MTMR8: variants seen among roughly 807,000 people sequenced by gnomAD.
MTMR8 encodes the protein phosphatidylinositol-3,5-bisphosphate 3-phosphatase MTMR8.
MTMR8 carries 65 observed loss-of-function variants against 39.3 expected under a neutral mutation model. The ratio of observed to expected loss-of-function variants is 1.65; its 90% CI spans 1.35 to 2.03. The LOEUF (loss-of-function observed/expected upper bound fraction) is 2.03, where lower values mean the gene tolerates loss of function less well. MTMR8 is among the 30% of genes most tolerant of loss of function. The probability of loss-of-function intolerance (pLI) is 0.00; values close to 1 mark genes in which losing one functional copy is unlikely to be tolerated. For synonymous variants in MTMR8, 245 were observed against 185.2 expected, an observed-to-expected ratio of 1.32 and a Z score of -2.62; for missense variants, 777 against 538.9, an observed-to-expected ratio of 1.44 and a Z score of -4.37.
At chrX:64,382,120 GT>G (rs1315283872) in intron 1 of MTMR8, among the ~76,000 whole-genome samples, 2 of 111,298 alleles carry the variant, frequency 1.8e-5, no homozygotes, top group Non-Finnish European at 3.8e-5. Context: ...CTTTACAGTA[GT>G]TTTTCCAATT....
At chrX:64,393,931 G>A (rs377420038) in intron 1 of MTMR8, among the ~76,000 whole-genome samples, 6 of 112,229 alleles carry the variant, frequency 5.3e-5, no homozygotes, top group African/African-American at 1.3e-4. Context: ...GAAGTGAGCC[G>A]GGCAAATTTC....
At chrX:64,302,762 C>G (rs892846681) in intron 12 of MTMR8, among the ~76,000 whole-genome samples, 3 of 112,358 alleles carry the variant, frequency 2.7e-5, no homozygotes, top group Non-Finnish European at 3.8e-5. Flanking sequence ...CAAAACTTCA[C>G]AAAATATCTA....
At chrX:64,276,084 T>C in intron 12 of MTMR8, among the ~76,000 whole-genome samples, 1 of 112,196 alleles carries the variant, frequency 8.9e-6, no homozygotes, top group East Asian at 2.8e-4. Context: ...TTTTCTTCTT[T>C]ATTAGTCTGG....
At chrX:64,280,260 G>C (rs1931972842) in intron 12 of MTMR8, among the ~76,000 whole-genome samples, 1 of 111,750 alleles carries the variant, frequency 8.9e-6, no homozygotes, top group Non-Finnish European at 1.9e-5. Flanking sequence ...GAAAACTTCA[G>C]GCCAATATCC....
intron 12 of MTMR8, among the ~76,000 whole-genome samples, chrX:64,294,903 G>C (rs944772537): frequency 9.9e-5 from 11 of 111,382 alleles, no homozygotes; most frequent in African/African-American, 3.6e-4. Flanking sequence ...ATCGCCTATA[G>C]CAGATGGGCA....
chrX:64,284,205 A>G (rs1921066382), intron 12 of MTMR8, among the ~76,000 whole-genome samples: 1 of 112,353 alleles, frequency 8.9e-6, no homozygotes, highest in South Asian at 3.7e-4. Context: ...GATTCGATCA[A>G]TTGGAAGAAA....
At chrX:64,302,805 A>G (rs1416848695) in intron 12 of MTMR8, among the ~76,000 whole-genome samples, 6 of 112,318 alleles carry the variant, frequency 5.3e-5, no homozygotes, top group Non-Finnish European at 9.4e-5. Context: ...GTAGGGCAAT[A>G]AAGACCCCAA....
intron 1 of MTMR8, among the ~76,000 whole-genome samples, chrX:64,391,115 CT>C (rs1924679868): frequency 1.8e-5 from 2 of 112,510 alleles, no homozygotes; most frequent in African/African-American, 6.5e-5. Flanking sequence ...TCCTTTCTAA[CT>C]TTTCCATTTC....
intron 12 of MTMR8, among the ~76,000 whole-genome samples, chrX:64,285,361 C>T (rs1179615179): frequency 9.0e-6 from 1 of 111,256 alleles, no homozygotes; most frequent in Non-Finnish European, 1.9e-5. Flanking sequence ...TAGACTCCCA[C>T]ACAATAATAA....
chrX:64,361,459 T>G (rs1172440119), intron 1 of MTMR8, among the ~76,000 whole-genome samples: 1 of 111,629 alleles, frequency 9.0e-6, no homozygotes, highest in Non-Finnish European at 1.9e-5. Flanking sequence ...TGTTAATGAA[T>G]CAACAGTATA....
In MTMR8 at chrX:64,344,814, G is replaced by A. The variant is rs1450215121; in HGVS notation, c.865+231C>T. Among the ~76,000 whole-genome samples, 3 of 111,445 alleles carry A rather than the reference G, an allele frequency of 2.7e-5. No individual in the cohort carries two copies. The Middle Eastern group carries it at 0.014, about 523-fold the overall frequency. On this transcript the variant is annotated intron_variant, in intron 7 of 13. Transcript: ENST00000374852. ...ATAATTTTCATACCAACTAGACCCAGATGAACTTTATTGAATTATGAAACT... is the reference window on the plus strand; with the variant it reads ...ATAATTTTCATACCAACTAGACCCAAATGAACTTTATTGAATTATGAAACT...
chrX:64,369,329 G>A (rs1193697303), intron 1 of MTMR8, among the ~76,000 whole-genome samples: 3 of 111,775 alleles, frequency 2.7e-5, no homozygotes, highest in African/African-American at 9.8e-5. Flanking sequence ...GTTTATTGCG[G>A]CACTATTCAC....
At position 64,270,920 on chromosome X, in the gene MTMR8, A is replaced by T. The variant is rs1489305176; in HGVS notation, c.1608+27T>A. The stretch of plus-strand genomic sequence containing the variant: ...GGACCTACCCAGAAGGGGCAAGAAG[A>T]TCTCTCTTTGGGACTTTTCTCCTCA... On this transcript the variant is annotated intron_variant, in intron 13 of 13. Coordinates refer to ENST00000374852, the MANE Select transcript of MTMR8 (RefSeq NM_017677.4). The T allele has an allele frequency of 4.2e-6, 5 of 1,199,905 alleles. No individual in the cohort carries two copies. In the East Asian group the frequency reaches 1.5e-4, roughly 36 times the overall value.
chrX:64,289,946 C>T (rs1001757066), intron 12 of MTMR8, among the ~76,000 whole-genome samples: 1 of 110,674 alleles, frequency 9.0e-6, no homozygotes, highest in African/African-American at 3.3e-5. Context: ...CTGGTCAAGT[C>T]ATGTTCAGAG....
chrX:64,363,088 G>A lies in MTMR8; in HGVS notation c.25-3561C>T, dbSNP rs529076207. ...GCTAGAAGATGCCAAGTGTTGGTAG[G>A]GTTCAAGGCATATAGGAATCCTCAT... On this transcript the variant is annotated intron_variant, in intron 1 of 13. Coordinates refer to ENST00000374852, the MANE Select transcript of MTMR8 (RefSeq NM_017677.4). Among the ~76,000 whole-genome samples the A allele has an allele frequency of 3.5e-4, 39 of 111,644 alleles. No individual in the cohort carries two copies. In the South Asian group the frequency reaches 0.012, roughly 36 times the overall value.
chrX:64,353,372 A>G (rs1446431983), intron 4 of MTMR8, among the ~76,000 whole-genome samples: 1 of 112,308 alleles, frequency 8.9e-6, no homozygotes, highest in African/African-American at 3.2e-5. Context: ...ACCAGAAAAT[A>G]TAAGGAGCCC....
intron 12 of MTMR8, among the ~76,000 whole-genome samples, chrX:64,312,026 T>C (rs1372175069): frequency 1.8e-5 from 2 of 111,348 alleles, no homozygotes; most frequent in African/African-American, 6.5e-5. Flanking sequence ...AGCAGTTTTT[T>C]CCAATTCTGT....
chrX:64,283,003 G>C (rs966682436), intron 12 of MTMR8, among the ~76,000 whole-genome samples: 1 of 111,819 alleles, frequency 8.9e-6, no homozygotes, highest in Non-Finnish European at 1.9e-5. Context: ...GCAGCCCACC[G>C]ACTGAGCTGA....
intron 11 of MTMR8, among the ~76,000 whole-genome samples, chrX:64,330,010 T>C (rs909486748): frequency 2.0e-4 from 22 of 111,644 alleles, no homozygotes; most frequent in African/African-American, 7.2e-4. Context: ...AGCTAGTAGG[T>C]GAGAGAGCCA....
Sources: allele counts gnomAD v4.1 joint callset (sites outside exome capture counted in the v4.1 genomes callset), GRCh38; gene constraint gnomAD v4.1.1; transcripts MANE v1.5; gene names NCBI Gene and HGNC (gene_info 2026-07-23, HGNC 2026-07-21).